Variants in LEPROTL1 observed in about 807,000 individuals in gnomAD.
LEPROTL1 encodes the protein leptin receptor overlapping transcript-like 1.
LEPROTL1 carries 6 observed loss-of-function variants against 15.4 expected under a neutral mutation model. That is an observed-to-expected ratio of 0.39 (90% CI 0.21 to 0.77). The LOEUF is 0.77. Ranked by LOEUF, LEPROTL1 falls within the 30% of genes least tolerant of loss-of-function variation. LEPROTL1 has a pLI of 0.41. For missense variants in LEPROTL1, 128 were observed against 158.1 expected (o/e 0.81, Z 1.02); for synonymous variants, 56 against 52.6 (o/e 1.06, Z -0.28).
intron 4 of LEPROTL1, chr8:30,132,796 C>T (rs139450783): frequency 6.4e-7 from 1 of 1,551,636 alleles, no homozygotes; most frequent in African/African-American, 1.4e-5. Flanking sequence ...CAAAGAGCTC[C>T]TGCTCCTGAA....
At chr8:30,095,657 G>A in intron 1 of LEPROTL1, 129 bp downstream of exon 1, 1 of 784,328 alleles carries the variant, frequency 1.3e-6, no homozygotes. Context: ...CCGGGGAAGC[G>A]ACCCCCGCCC....
chr8:30,112,693 C>T (rs1180893233), downstream of LEPROTL1, among the ~76,000 whole-genome samples: 12 of 151,750 alleles, frequency 7.9e-5, no homozygotes, highest in Non-Finnish European at 1.6e-4. Context: ...TAACCTTAGC[C>T]GAGTTATTTA....
chr8:30,137,566 C>G, exon 5 of LEPROTL1: 1 of 1,171,416 alleles, frequency 8.5e-7, no homozygotes, highest in Non-Finnish European at 1.2e-6. Flanking sequence ...TGATTAGTCA[C>G]AAAATCACAT....
chr8:30,111,292 A>C (rs879383576), downstream of LEPROTL1, among the ~76,000 whole-genome samples: 2 of 152,260 alleles, frequency 1.3e-5, no homozygotes, highest in African/African-American at 4.8e-5. Flanking sequence ...GCTATACTTC[A>C]TACTACAAAT....
At chr8:30,109,919 G>T (rs1386547160), downstream of LEPROTL1, among the ~76,000 whole-genome samples, 1 of 151,856 alleles carries the variant, frequency 6.6e-6, no homozygotes, top group Non-Finnish European at 1.5e-5. Context: ...AGGAGCACCA[G>T]ATAAGGGAGG....
intron 4 of LEPROTL1, among the ~76,000 whole-genome samples, chr8:30,136,813 G>T (rs149000616): frequency 0.024 from 3,638 of 149,906 alleles, 164 homozygotes; most frequent in African/African-American, 0.086. Context: ...TCAGCCTCCC[G>T]AGTAGCTGGG....
chr8:30,107,649 T>C lies in LEPROTL1; in HGVS notation c.*1787T>C, dbSNP rs889670431. On this transcript the variant is annotated 3_prime_UTR_variant, in exon 4 of 4. Coordinates refer to ENST00000321250, the MANE Select transcript of LEPROTL1 (RefSeq NM_015344.3). The stretch of plus-strand genomic sequence containing the variant: ...TTCCCACTGGAGGCTGAAAGTGGCT[T>C]GTGGTATTATAATGTTCAGATTTCA... 1 of 985,560 alleles carries C rather than the reference T, an allele frequency of 1.0e-6. No homozygotes were observed. The highest frequency in any genetic ancestry group is 1.2e-6 in the Non-Finnish European group (1 of 829,930). The allele number at this position is 985,560 out of a possible 1,614,324, so 61.1% of individuals were successfully genotyped here.
At chr8:30,103,600 G>A (rs1802506446) in intron 2 of LEPROTL1, among the ~76,000 whole-genome samples, 1 of 151,926 alleles carries the variant, frequency 6.6e-6, no homozygotes, top group Non-Finnish European at 1.5e-5. Flanking sequence ...AATTAGCCGG[G>A]CATGGTGGTG....
chr8:30,120,032 C>T (rs142645963), intron 3 of LEPROTL1, among the ~76,000 whole-genome samples: 98 of 152,070 alleles, frequency 6.4e-4, no homozygotes, highest in African/African-American at 2.3e-3. Context: ...TGCCACTGCA[C>T]TCCAGACTGG....
intron 1 of LEPROTL1, among the ~76,000 whole-genome samples, chr8:30,100,435 A>C (rs1232837565): frequency 6.6e-6 from 1 of 152,170 alleles, no homozygotes; most frequent in Non-Finnish European, 1.5e-5. Context: ...ACTCAAAATA[A>C]ATTTATCATT....
chr8:30,136,952 T>A (rs970201962), intron 4 of LEPROTL1, among the ~76,000 whole-genome samples: 1 of 151,924 alleles, frequency 6.6e-6, no homozygotes, highest in Non-Finnish European at 1.5e-5. Context: ...CCTCCCAAAG[T>A]GTTGGGATTA....
chr8:30,114,438 C>A (rs1802704170), intron 3 of LEPROTL1, among the ~76,000 whole-genome samples: 1 of 151,788 alleles, frequency 6.6e-6, no homozygotes, highest in South Asian at 2.1e-4. Context: ...TTACAGGCGC[C>A]CACCAGCACA....
chr8:30,119,013 G>A (rs1313674527), intron 3 of LEPROTL1, among the ~76,000 whole-genome samples: 2 of 152,072 alleles, frequency 1.3e-5, no homozygotes, highest in Admixed American at 6.6e-5. Context: ...CCCATCCCCC[G>A]AGGCCATATT....
Position 30,095,481 on chromosome 8 carries a change from C to G in LEPROTL1, c.-32C>G. The G allele has an allele frequency of 6.8e-7, 1 of 1,465,374 alleles. No homozygotes were observed. The highest frequency in any genetic ancestry group is 9.0e-7 in the Non-Finnish European group (1 of 1,113,076). The allele number at this position is 1,465,374 out of a possible 1,614,324, so 90.8% of individuals were successfully genotyped here. ...GCTGCCGCTGCTGCCGCCGCCGCCT[C>G]GGGTCGTGGAGCCAGGAGCGACGTC... On this transcript the variant is annotated 5_prime_UTR_variant, in exon 1 of 4. Transcript: ENST00000321250.
rs1253455674 is a variant in LEPROTL1, at chr8:30,108,427, C to G, written c.*2565C>G. 1 of 152,138 alleles carries G rather than the reference C, an allele frequency of 6.6e-6. No individual in the cohort carries two copies. Among genetic ancestry groups the G allele is most frequent in the African/African-American group, 2.4e-5 (1 of 41,420 alleles). The allele number at this position is 152,138 out of a possible 1,614,324, so 9.4% of individuals were successfully genotyped here. On this transcript the variant is annotated 3_prime_UTR_variant, in exon 4 of 4. Coordinates refer to ENST00000321250, the MANE Select transcript of LEPROTL1 (RefSeq NM_015344.3). ...ACTTCTTATTATGTATTTATTACCA[C>G]TCATTATTATAGCATGTTACTTTTT...
chr8:30,114,974 G>A (rs1378638414), intron 3 of LEPROTL1, among the ~76,000 whole-genome samples: 1 of 152,124 alleles, frequency 6.6e-6, no homozygotes, highest in Non-Finnish European at 1.5e-5. Context: ...GAATGTGAAC[G>A]CCAGCAAGAC....
rs565494366 is a variant in LEPROTL1 at position 30,117,313 on chromosome 8, C to A, written c.279+12827C>A. On this transcript the variant is annotated intron_variant, in intron 3 of 4. Transcript: ENST00000442880. ...GACCAGCCTGGACAAAATAGTGAGA[C>A]CCTGTTTCTTTTTTTTTTTTTTAAT... 2.8e-4 allele frequency: 198 copies of A among 698,122 alleles called. 1 individual carries two copies. The East Asian group carries it at 4.4e-3, about 15-fold the overall frequency. 43.2% of individuals were successfully genotyped at this position (698,122 alleles called of 1,614,324 possible). A position where few individuals can be genotyped will look rare whatever the true frequency, so the allele number is the denominator to read the frequency against.
intron 3 of LEPROTL1, chr8:30,105,222 G>C (rs997118033): frequency 6.6e-6 from 1 of 152,238 alleles, no homozygotes; most frequent in African/African-American, 2.4e-5. Flanking sequence ...TTCATCTCTG[G>C]GGAGGTAGAG....
downstream of LEPROTL1, chr8:30,137,789 C>T: frequency 2.5e-6 from 1 of 404,626 alleles, no homozygotes; most frequent in Non-Finnish European, 4.5e-6. Flanking sequence ...TGCCTGGAAA[C>T]TAGACTGCCT....
Sources: allele counts gnomAD v4.1 joint callset (sites outside exome capture counted in the v4.1 genomes callset), GRCh38; gene constraint gnomAD v4.1.1; transcripts MANE v1.5; gene names NCBI Gene and HGNC (gene_info 2026-07-23, HGNC 2026-07-21).